ZNF98: variants seen among roughly 807,000 people sequenced by gnomAD.
ZNF98 encodes the protein zinc finger protein 98, also known as zinc finger protein 739.
ZNF98 carries 8 observed loss-of-function variants against 12.8 expected under a neutral mutation model. The observed-to-expected ratio is 0.63, with a 90% confidence interval of 0.37 to 1.13. ZNF98 has a LOEUF of 1.13. Among genes scored for constraint, ZNF98 ranks in the 50% most tolerant of loss-of-function variants. The pLI, the probability that ZNF98 is intolerant of heterozygous loss-of-function variation, is 0.01. For missense variants in ZNF98, 379 were observed against 666.1 expected, an observed-to-expected ratio of 0.57 and a Z score of 4.74; for synonymous variants, 112 against 223.5, an observed-to-expected ratio of 0.50 and a Z score of 4.45.
intron 1 of ZNF98, among the ~76,000 whole-genome samples, chr19:22,417,229 C>CAAAAAAAAAAAAAAAAAAAAAAAA (rs57152900): frequency 2.2e-5 from 1 of 45,480 alleles, no homozygotes; most frequent in African/African-American, 1.1e-4. Context: ...AACTCCATCT[C>CAAAAAAAAAAAAAAAAAAAAAAAA]AAAAAAAAAA....
chr19:22,411,966 CAAT>C (rs71180547), intron 1 of ZNF98, among the ~76,000 whole-genome samples: 53,827 of 151,862 alleles, frequency 0.35, 10,915 homozygotes, highest in Non-Finnish European at 0.46. Context: ...GATACTGACA[CAAT>C]AATAGTGGGA....
In ZNF98 at chr19:22,403,481, T is replaced by C. The variant is rs772370692; in HGVS notation, c.62A>G (p.Glu21Gly). 21 of 1,608,544 alleles carry C rather than the reference T, an allele frequency of 1.3e-5. No homozygotes were observed. The highest frequency in any genetic ancestry group is 1.3e-5 in the African/African-American group (1 of 74,450). ...GVLTFRDVAL[E>G]FSLEEWQCLD... ...GCATTGCCACTCCTCCAGAGAGAAT[T>C]CTAAGGCCACATCCCTAAATGTCAA... Residue 21 changes from glutamate (E) to glycine (G), a missense_variant, in exon 2 of 4, where the codon GAA becomes GGA. Physicochemically the swap from Glu to Gly is moderately conservative, Grantham distance 98. This residue lies in a region of ZNF98 where 223 missense variants were observed against 261.6 expected (regional missense o/e 0.85). Transcript: ENST00000357774.
In ZNF98 at chr19:22,392,583, C is replaced by T. The variant is rs1259171878; in HGVS notation, c.652G>A (p.Ala218Thr). The T allele has an allele frequency of 5.6e-6, 9 of 1,611,488 alleles. No homozygotes were observed. Among genetic ancestry groups the T allele is most frequent in the Admixed American group, 5.0e-5 (3 of 59,502 alleles). The change falls in exon 4 of 4, where the codon GCC (alanine) becomes ACC (threonine). Residue 218 changes from alanine (A) to threonine (T), a missense_variant. Physicochemically the swap from Ala to Thr is moderately conservative, Grantham distance 58. This residue lies in a region of ZNF98 where 223 missense variants were observed against 261.6 expected (regional missense o/e 0.85). Transcript: ENST00000357774. ...KPYKCKECGKAYNEASNLSTH... is the reference protein window; with the variant it reads ...KPYKCKECGKTYNEASNLSTH... Reference sequence around the variant, plus strand: ...GAAAGGTTTGAGGCCTCATTATAGGCTTTCCCACATTCTTTACATTTGTAG... The same window carrying T: ...GAAAGGTTTGAGGCCTCATTATAGGTTTTCCCACATTCTTTACATTTGTAG...
chr19:22,413,527 C>G (rs1311040752), intron 1 of ZNF98, among the ~76,000 whole-genome samples: 1 of 152,042 alleles, frequency 6.6e-6, no homozygotes, highest in East Asian at 1.9e-4. Flanking sequence ...TATAGCTAAC[C>G]AGGGAGGTCA....
chr19:22,421,668 TC>T (rs1969705703), intron 1 of ZNF98, among the ~76,000 whole-genome samples: 1 of 152,180 alleles, frequency 6.6e-6, no homozygotes, highest in African/African-American at 2.4e-5. Flanking sequence ...TCATCATGCA[TC>T]TTTCCTTCAA....
At chr19:22,420,711 T>C (rs1368656886) in intron 1 of ZNF98, among the ~76,000 whole-genome samples, 1 of 152,078 alleles carries the variant, frequency 6.6e-6, no homozygotes, top group African/African-American at 2.4e-5. Context: ...GTTATCTTGG[T>C]TTATTCAGAG....
intron 3 of ZNF98, among the ~76,000 whole-genome samples, chr19:22,395,922 G>A (rs1187415528): frequency 6.6e-6 from 1 of 150,448 alleles, no homozygotes; most frequent in Non-Finnish European, 1.5e-5. Flanking sequence ...CAACAAATCT[G>A]TCCTGCCACA....
At chr19:22,419,871 T>C (rs994914221) in intron 1 of ZNF98, among the ~76,000 whole-genome samples, 1 of 151,964 alleles carries the variant, frequency 6.6e-6, no homozygotes, top group Non-Finnish European at 1.5e-5. Flanking sequence ...TGATATTAGA[T>C]GTGTAGGCTG....
chr19:22,402,775 T>C lies in ZNF98; in HGVS notation c.253+14A>G, dbSNP rs1401049527. On this transcript the variant is annotated intron_variant, in intron 3 of 3. Coordinates refer to ENST00000357774, the MANE Select transcript of ZNF98 (RefSeq NM_001098626.2). ...TCTGTGTCGTCTGTTGTATTCACTTTCACTCTCACCTACCTGGGGGTTCAG... is the reference window on the plus strand; with the variant it reads ...TCTGTGTCGTCTGTTGTATTCACTTCCACTCTCACCTACCTGGGGGTTCAG... The C allele has an allele frequency of 6.3e-7, 1 of 1,576,580 alleles. No individual in the cohort carries two copies. Among genetic ancestry groups the C allele is most frequent in the Non-Finnish European group, 8.6e-7 (1 of 1,167,944 alleles).
chr19:22,396,844 G>A (rs1380277329), intron 3 of ZNF98, among the ~76,000 whole-genome samples: 2 of 152,170 alleles, frequency 1.3e-5, no homozygotes, highest in Non-Finnish European at 2.9e-5. Context: ...ATTTAGGCTG[G>A]GCATGGTGGC....
At chr19:22,417,776 T>C (rs779476885) in intron 1 of ZNF98, among the ~76,000 whole-genome samples, 5 of 152,164 alleles carry the variant, frequency 3.3e-5, no homozygotes, top group Non-Finnish European at 7.3e-5. Flanking sequence ...GCATGGTGCC[T>C]AGTCCTGGGA....
chr19:22,407,836 G>A (rs748754756), intron 1 of ZNF98, among the ~76,000 whole-genome samples: 7 of 152,054 alleles, frequency 4.6e-5, no homozygotes, highest in South Asian at 2.1e-4. Context: ...TTGGGAGGCC[G>A]AGGCGGGCAG....
At chr19:22,395,849 C>T (rs1317480917) in intron 3 of ZNF98, among the ~76,000 whole-genome samples, 4 of 146,052 alleles carry the variant, frequency 2.7e-5, no homozygotes, top group Non-Finnish European at 4.5e-5. Flanking sequence ...AGAAAGATAC[C>T]GTGTGACACA....
intron 1 of ZNF98, among the ~76,000 whole-genome samples, chr19:22,415,298 G>A (rs1476311400): frequency 2.0e-5 from 3 of 152,128 alleles, no homozygotes; most frequent in African/African-American, 7.2e-5. Flanking sequence ...GCAGTGTGAC[G>A]ATTCCTCACA....
At chr19:22,401,947 C>T (rs1311124682) in intron 3 of ZNF98, among the ~76,000 whole-genome samples, 34 of 150,074 alleles carry the variant, frequency 2.3e-4, no homozygotes, top group East Asian at 1.8e-3. Flanking sequence ...GAGGCCAAGG[C>T]AGGCGGATCA....
chr19:22,416,112 C>CCAG (rs1031953580), intron 1 of ZNF98, among the ~76,000 whole-genome samples: 1 of 150,810 alleles, frequency 6.6e-6, no homozygotes, highest in African/African-American at 2.4e-5. Context: ...TCACTGCACT[C>CCAG]CAGCCTGGGC....
At chr19:22,405,769 G>C (rs1443050573) in intron 1 of ZNF98, among the ~76,000 whole-genome samples, 1 of 152,116 alleles carries the variant, frequency 6.6e-6, no homozygotes, top group Non-Finnish European at 1.5e-5. Context: ...GAGCTCCCCG[G>C]GGAGGGGCAG....
Position 22,412,453 on chromosome 19 carries a change from T to C in ZNF98, c.31-8941A>G, listed in dbSNP as rs530589028. On this transcript the variant is annotated intron_variant, in intron 1 of 3. Transcript: ENST00000357774. Reference sequence around the variant, plus strand: ...TAGGAGAAAAATTTATGGCATGAAATGCTTACATTGAAAAGTTAGACTTCA... The same window carrying C: ...TAGGAGAAAAATTTATGGCATGAAACGCTTACATTGAAAAGTTAGACTTCA... Among the ~76,000 whole-genome samples the C allele has an allele frequency of 8.3e-4, 126 of 152,202 alleles. 1 individual carries two copies. The highest frequency in any genetic ancestry group is 2.9e-3 in the African/African-American group (120 of 41,546).
chr19:22,404,908 A>G (rs576979142), intron 1 of ZNF98, among the ~76,000 whole-genome samples: 3 of 152,278 alleles, frequency 2.0e-5, no homozygotes, highest in African/African-American at 7.2e-5. Flanking sequence ...TAGAACCTCA[A>G]CATTACATGC....
Sources: allele counts gnomAD v4.1 joint callset (sites outside exome capture counted in the v4.1 genomes callset), GRCh38; gene constraint gnomAD v4.1.1; regional missense constraint gnomAD v4.1.1; transcripts MANE v1.5; gene names NCBI Gene and HGNC (gene_info 2026-07-23, HGNC 2026-07-21).